IARS1: variants seen among roughly 807,000 people sequenced by gnomAD.
IARS1 encodes the protein isoleucine--tRNA ligase, cytoplasmic.
Under a neutral mutation model 168.2 loss-of-function variants are expected in IARS1, and 124 were observed. The observed-to-expected ratio is 0.74, with a 90% CI of 0.64 to 0.86. The LOEUF is 0.86. IARS1 is among the 40% of genes least tolerant of loss of function. IARS1 has a pLI of 0.00. For missense variants in IARS1, 1,452 were observed against 1,515.8 expected, an observed-to-expected ratio of 0.96 and a Z score of 0.70; for synonymous variants, 532 against 529.4, an observed-to-expected ratio of 1.00 and a Z score of -0.07.
chr9:92,282,245 G>A (rs1263455611), intron 6 of IARS1, among the ~76,000 whole-genome samples: 1 of 152,098 alleles, frequency 6.6e-6, no homozygotes, highest in Non-Finnish European at 1.5e-5. Flanking sequence ...TCTAGTTGAA[G>A]GATATAAAGA....
chr9:92,251,013 C>A, intron 22 of IARS1, 179 bp from the exon 23 acceptor site: 1 of 665,222 alleles, frequency 1.5e-6, no homozygotes, highest in Non-Finnish European at 2.7e-6. Context: ...TGAAGCATAG[C>A]TGCAGGACTG....
rs759566303 is a variant in IARS1 at position 92,264,980 on chromosome 9, T to C, written c.1649A>G (p.Asp550Gly). 3 of 1,614,138 alleles carry C rather than the reference T, an allele frequency of 1.9e-6. No individual in the cohort carries two copies. Among genetic ancestry groups the C allele is most frequent in the Non-Finnish European group, 1.7e-6 (2 of 1,180,004 alleles). Residue 550 changes from aspartate to glycine, a missense_variant, in exon 16 of 34, where the codon GAT (aspartate) becomes GGT (glycine). Physicochemically the swap from Asp to Gly is moderately conservative, Grantham distance 94. Coordinates refer to ENST00000443024, the MANE Select transcript of IARS1 (RefSeq NM_002161.6). Reference protein sequence around the residue: ...YPFENKREFEDAFPADFIAEG... With the variant: ...YPFENKREFEGAFPADFIAEG... The stretch of plus-strand genomic sequence containing the variant: ...GGCAATGAAATCTGCAGGAAAAGCA[T>C]CCTCAAACTCCCTCTTGTTTTCAAA...
chr9:92,238,592 CCTT>C (rs1371500971), intron 30 of IARS1, among the ~76,000 whole-genome samples: 3 of 152,190 alleles, frequency 2.0e-5, no homozygotes, highest in Non-Finnish European at 2.9e-5. Flanking sequence ...GCCAAATAAA[CCTT>C]CTTTATAAAC....
intron 17 of IARS1, among the ~76,000 whole-genome samples, chr9:92,261,638 T>C (rs1486518158): frequency 6.6e-6 from 1 of 152,226 alleles, no homozygotes; most frequent in African/African-American, 2.4e-5. Flanking sequence ...CTGGTTGTGA[T>C]ATATACTGTA....
chr9:92,293,565 A>G, intron 1 of IARS1, 46 bp downstream of exon 1: 1 of 464,212 alleles, frequency 2.2e-6, no homozygotes, highest in Non-Finnish European at 4.4e-6. Flanking sequence ...CGCGTGCGTG[A>G]CCCTCGTCTT....
At position 92,251,929 on chromosome 9, in the gene IARS1, G is replaced by A. The variant is rs559670654; in HGVS notation, c.2230-44C>T. ...ACATAAACATTAAACTGTTAAATAA[G>A]TGTTTATCATTAAAAAAATAAGTTT... On this transcript the variant is annotated intron_variant, in intron 21 of 33. Coordinates refer to ENST00000443024, the MANE Select transcript of IARS1 (RefSeq NM_002161.6). The A allele has an allele frequency of 1.8e-5, 24 of 1,316,008 alleles. No homozygotes were observed. In the African/African-American group the frequency reaches 2.9e-4, roughly 16 times the overall value. 81.5% of individuals were successfully genotyped at this position (1,316,008 alleles called of 1,614,324 possible).
At chr9:92,230,850 C>T (rs72750419) in intron 30 of IARS1, among the ~76,000 whole-genome samples, 4,656 of 152,258 alleles carry the variant, frequency 0.031, 108 homozygotes, top group South Asian at 0.079. Flanking sequence ...CGGCTAATGA[C>T]GTTAAATGTT....
chr9:92,266,278 T>G (rs948326391), intron 14 of IARS1, among the ~76,000 whole-genome samples: 1 of 152,238 alleles, frequency 6.6e-6, no homozygotes, highest in Non-Finnish European at 1.5e-5. Flanking sequence ...GGCTCATTAA[T>G]CTAGAATCTT....
chr9:92,240,997 G>A (rs778257886), intron 29 of IARS1, 36 bp from the exon 30 acceptor site: 2 of 1,206,000 alleles, frequency 1.7e-6, no homozygotes, highest in South Asian at 2.4e-5. Flanking sequence ...AGTAACTGTG[G>A]CACCTGACTG....
At chr9:92,281,015 C>T in intron 6 of IARS1, 122 bp from the exon 7 acceptor site, 1 of 547,996 alleles carries the variant, frequency 1.8e-6, no homozygotes, top group Non-Finnish European at 2.9e-6. Context: ...AAACCACTTA[C>T]CAGACTTACA....
chr9:92,277,362 T>C lies in IARS1; in HGVS notation c.894+501A>G, dbSNP rs992305227. ...ATTGCTTGAACCTGGGGGGCAGAGG[T>C]TGCAGTCAGCCAAGATCGCGCTATT... On this transcript the variant is annotated intron_variant, in intron 9 of 33. Transcript: ENST00000443024. Among the ~76,000 whole-genome samples, 5 of 151,196 alleles carry C rather than the reference T, an allele frequency of 3.3e-5. No homozygotes were observed. The East Asian group carries it at 9.7e-4, about 29-fold the overall frequency.
At chr9:92,280,103 G>C (rs1389504580) in intron 7 of IARS1, among the ~76,000 whole-genome samples, 1 of 152,078 alleles carries the variant, frequency 6.6e-6, no homozygotes, top group Non-Finnish European at 1.5e-5. Context: ...CTATGAACAC[G>C]GGTGTACAAG....
At chr9:92,233,720 A>T (rs1293235186) in intron 30 of IARS1, among the ~76,000 whole-genome samples, 1 of 152,088 alleles carries the variant, frequency 6.6e-6, no homozygotes, top group African/African-American at 2.4e-5. Context: ...CACTATTTTG[A>T]AGTTTTCAGT....
intron 33 of IARS1, among the ~76,000 whole-genome samples, chr9:92,217,221 C>T (rs1207812840): frequency 6.6e-6 from 1 of 151,802 alleles, no homozygotes; most frequent in Non-Finnish European, 1.5e-5. Flanking sequence ...TTCTTTGAAA[C>T]CAATGAGAAC....
intron 33 of IARS1, among the ~76,000 whole-genome samples, chr9:92,220,770 A>G (rs1373108746): frequency 6.6e-6 from 1 of 152,182 alleles, no homozygotes; most frequent in Non-Finnish European, 1.5e-5. Context: ...GTTCAAGACC[A>G]GCCTTGACCT....
chr9:92,223,253 T>A, intron 32 of IARS1, 93 bp downstream of exon 32: 1 of 1,234,384 alleles, frequency 8.1e-7, no homozygotes, highest in Non-Finnish European at 1.1e-6. Flanking sequence ...AGCAATACTT[T>A]GAAGCCGACT....
rs1017433749 is a variant in IARS1, at chr9:92,210,233, C to G, written c.*574G>C. ...TTTGGAAAGAAGTTTTATTAGATGT[C>G]TAGTCCACTGTCTTAATAAGAAACC... is the stretch of plus-strand genomic sequence containing the variant. On this transcript the variant is annotated 3_prime_UTR_variant, in exon 34 of 34. Transcript: ENST00000443024. 7 of 153,506 alleles carry G rather than the reference C, an allele frequency of 4.6e-5. No individual in the cohort carries two copies. Among genetic ancestry groups the G allele is most frequent in the African/African-American group, 1.7e-4 (7 of 41,444 alleles). The allele number at this position is 153,506 out of a possible 1,614,324, so 9.5% of individuals were successfully genotyped here. A position where few individuals can be genotyped will look rare whatever the true frequency, so the allele number is the denominator to read the frequency against.
rs1467367494 is a variant in IARS1 at position 92,249,885 on chromosome 9, G to A, written c.2589C>T (p.Ile863=). 6.2e-7 allele frequency: 1 copy of A among 1,601,928 alleles called. No individual in the cohort carries two copies. Among genetic ancestry groups the A allele is most frequent in the African/African-American group, 1.3e-5 (1 of 74,754 alleles). The part of the protein sequence containing the change: ...IHQDPEALKD[I]KSLEKYIIEE... Reference sequence around the variant, plus strand: ...CAATGATATACTTCTCCAAAGACTTGATATCTTTAAGAGCTTCTGGATCTT... The same window carrying A: ...CAATGATATACTTCTCCAAAGACTTAATATCTTTAAGAGCTTCTGGATCTT... The change falls in exon 25 of 34, where the codon ATC becomes ATT. Residue 863 remains isoleucine, a synonymous_variant. Coordinates refer to ENST00000443024, the MANE Select transcript of IARS1 (RefSeq NM_002161.6).
intron 2 of IARS1, 85 bp downstream of exon 2, chr9:92,289,216 A>T (rs2134002462): frequency 1.7e-6 from 1 of 594,256 alleles, no homozygotes; most frequent in South Asian, 2.1e-5. Flanking sequence ...CAAAAAAAAA[A>T]AAAAAAAAAA....
Sources: gnomAD v4.1 joint callset for allele counts (sites outside exome capture counted in the v4.1 genomes callset) on GRCh38, gnomAD v4.1.1 for gene constraint, MANE v1.5 for transcripts, NCBI Gene and HGNC (gene_info 2026-07-23, HGNC 2026-07-21) for gene names.